Variants in BCL11B observed in about 807,000 individuals in gnomAD.
The protein encoded by BCL11B is BCL11 transcription factor B.
Under a neutral mutation model 49.9 loss-of-function variants are expected in BCL11B, and 8 were observed. That is an observed-to-expected ratio of 0.16 (90% CI 0.09 to 0.29). The LOEUF (loss-of-function observed/expected upper bound fraction) is 0.29, where lower values mean the gene tolerates loss of function less well. Among genes scored for constraint, BCL11B ranks in the 10% least tolerant of loss-of-function variants. BCL11B has a pLI of 1.00. For synonymous variants in BCL11B, 739 were observed against 637.4 expected, an observed-to-expected ratio of 1.16 and a Z score of -2.40; for missense variants, 1,006 against 1,351.0, an observed-to-expected ratio of 0.74 and a Z score of 4.00.
At chr14:99,181,410 C>T (rs530923175) in intron 3 of BCL11B, among the ~76,000 whole-genome samples, 10 of 152,234 alleles carry the variant, frequency 6.6e-5, no homozygotes, top group African/African-American at 1.9e-4. Context: ...AGCAAACTGA[C>T]GCTCAGAGAA....
intron 3 of BCL11B, among the ~76,000 whole-genome samples, chr14:99,210,286 T>C (rs2793321): frequency 0.63 from 95,235 of 151,960 alleles, 30,507 homozygotes; most frequent in Admixed American, 0.71. Context: ...ACAAAAGAGA[T>C]AGAATAAGCA....
intron 3 of BCL11B, among the ~76,000 whole-genome samples, chr14:99,229,043 C>CATGG (rs1181779397): frequency 0.15 from 15,616 of 104,554 alleles, 1,107 homozygotes; most frequent in East Asian, 0.39. Context: ...TGGATGGATG[C>CATGG]ATGGATGGAT....
chr14:99,199,858 C>G (rs1480055423), intron 3 of BCL11B, among the ~76,000 whole-genome samples: 1 of 151,698 alleles, frequency 6.6e-6, no homozygotes, highest in African/African-American at 2.4e-5. Context: ...TAAAGAACTT[C>G]CTCATTATTT....
At chr14:99,263,596 AGATT>A (rs1222072363) in intron 1 of BCL11B, among the ~76,000 whole-genome samples, 3 of 152,224 alleles carry the variant, frequency 2.0e-5, no homozygotes, top group Non-Finnish European at 4.4e-5. Context: ...CCCTGTGTAC[AGATT>A]GTTTGCAGGA....
chr14:99,175,594 A>G lies in BCL11B; in HGVS notation c.1242T>C (p.Pro414=). ...LSTPPLPPMP[P]GGTPPPQPPA... is the part of the protein sequence containing the mutation. ...GCGGCTGCGGGGGCGGCGTGCCGCC[A>G]GGGGGCATGGGCGGCAGCGGCGGCG... The change falls in exon 4 of 4, where the codon CCT becomes CCC. Residue 414 remains proline, a synonymous_variant. Coordinates refer to ENST00000357195, the MANE Select transcript of BCL11B (RefSeq NM_138576.4). 1 of 1,577,374 alleles carries G rather than the reference A, an allele frequency of 6.3e-7. No individual in the cohort carries two copies. Among genetic ancestry groups the G allele is most frequent in the Non-Finnish European group, 8.6e-7 (1 of 1,165,614 alleles).
intron 1 of BCL11B, among the ~76,000 whole-genome samples, chr14:99,266,963 C>T (rs1320798485): frequency 2.0e-5 from 3 of 152,178 alleles, no homozygotes; most frequent in Non-Finnish European, 4.4e-5. Flanking sequence ...GCGCTAGAAA[C>T]TGGTATCTGT....
At position 99,205,812 on chromosome 14, in the gene BCL11B, G is replaced by A. The variant is rs1887518639; in HGVS notation, c.640+25533C>T. Among the ~76,000 whole-genome samples the A allele has an allele frequency of 6.6e-6, 1 of 152,164 alleles. No homozygotes were observed. Among genetic ancestry groups the A allele is most frequent in the Non-Finnish European group, 1.5e-5 (1 of 68,022 alleles). On this transcript the variant is annotated intron_variant, in intron 3 of 3. Coordinates refer to ENST00000357195, the MANE Select transcript of BCL11B (RefSeq NM_138576.4). This position sits in a 1 kb window ranked among gnomAD's most constrained non-coding sequence, Gnocchi z 5.0. Reference sequence around the variant, plus strand: ...CGGGAGCAGTATGGTTCTTGACCACGGTGGACCAAGTCCAGACAGCCATAA... The same window carrying A: ...CGGGAGCAGTATGGTTCTTGACCACAGTGGACCAAGTCCAGACAGCCATAA...
chr14:99,204,297 C>T (rs1251706423), intron 3 of BCL11B, among the ~76,000 whole-genome samples: 2 of 152,124 alleles, frequency 1.3e-5, no homozygotes, highest in Non-Finnish European at 2.9e-5. Flanking sequence ...GGAATGAAGG[C>T]CTCTCTCTCC....
intron 3 of BCL11B, among the ~76,000 whole-genome samples, chr14:99,224,331 G>A (rs1490945591): frequency 6.6e-6 from 1 of 152,180 alleles, no homozygotes; most frequent in Non-Finnish European, 1.5e-5. Flanking sequence ...GCCTCTCTGA[G>A]CCCCAATATC....
intron 3 of BCL11B, among the ~76,000 whole-genome samples, chr14:99,200,396 C>T (rs1261416616): frequency 6.6e-6 from 1 of 152,236 alleles, no homozygotes; most frequent in Non-Finnish European, 1.5e-5. Context: ...AAGCCAATAT[C>T]TATGGCTGGA....
intron 3 of BCL11B, among the ~76,000 whole-genome samples, chr14:99,177,103 C>T (rs1886557748): frequency 6.6e-6 from 1 of 152,054 alleles, no homozygotes. Context: ...GTGACAGCTG[C>T]CCCCACCCCG....
rs375414422 is a variant in BCL11B, at chr14:99,185,856, G to A, written c.641-9661C>T. Among the ~76,000 whole-genome samples, 668 of 152,328 alleles carry A rather than the reference G, an allele frequency of 4.4e-3. 5 individuals carry two copies. Among genetic ancestry groups the A allele is most frequent in the African/African-American group, 0.015 (638 of 41,566 alleles). On this transcript the variant is annotated intron_variant, in intron 3 of 3. Coordinates refer to ENST00000357195, the MANE Select transcript of BCL11B (RefSeq NM_138576.4). ...TATCAGGATGACCCAAGACCTCACC[G>A]CATCTGGCAACCCAGAAATGGTATC... is the stretch of plus-strand genomic sequence containing the variant.
chr14:99,235,425 C>G (rs897550003), intron 2 of BCL11B, among the ~76,000 whole-genome samples: 10 of 152,198 alleles, frequency 6.6e-5, no homozygotes, highest in Non-Finnish European at 1.3e-4. Flanking sequence ...CCCCTCCCCC[C>G]ATGCCAAGAC....
At chr14:99,244,886 C>T (rs1398882891) in intron 2 of BCL11B, among the ~76,000 whole-genome samples, 1 of 152,122 alleles carries the variant, frequency 6.6e-6, no homozygotes, top group Non-Finnish European at 1.5e-5. Context: ...TATAGGTATA[C>T]GCATATTTTT....
Position 99,174,014 on chromosome 14 carries a change from G to T in BCL11B, c.*137C>A. On this transcript the variant is annotated 3_prime_UTR_variant, in exon 4 of 4. Transcript: ENST00000357195. ...ATAGGACTTCGCAGACACAGGTTAG[G>T]TTGGAGTGCCGCCTCCCCTGGGCCC... The T allele has an allele frequency of 1.2e-6, 1 of 815,978 alleles. No homozygotes were observed. The highest frequency in any genetic ancestry group is 1.9e-6 in the Non-Finnish European group (1 of 522,712). 50.5% of individuals were successfully genotyped at this position (815,978 alleles called of 1,614,324 possible).
chr14:99,185,484 A>C (rs1411963899), intron 3 of BCL11B, among the ~76,000 whole-genome samples: 1 of 151,468 alleles, frequency 6.6e-6, no homozygotes, highest in African/African-American at 2.4e-5. Context: ...GTAATGTTCA[A>C]GCCAGACACA....
intron 2 of BCL11B, among the ~76,000 whole-genome samples, chr14:99,237,622 G>A (rs867240721): frequency 1.5e-4 from 23 of 152,148 alleles, no homozygotes; most frequent in African/African-American, 5.1e-4. Context: ...TTGTTGCCAC[G>A]GGTTTTGGCT....
chr14:99,253,497 AC>A (rs1889068173), intron 2 of BCL11B, among the ~76,000 whole-genome samples: 1 of 151,948 alleles, frequency 6.6e-6, no homozygotes, highest in South Asian at 2.1e-4. Flanking sequence ...CAGCACACCT[AC>A]CCCCACCGTG....
At chr14:99,270,367 C>CT (rs767208029) in intron 1 of BCL11B, among the ~76,000 whole-genome samples, 3,811 of 145,426 alleles carry the variant, frequency 0.026, 71 homozygotes, top group Middle Eastern at 0.052. Context: ...AACTGACAAC[C>CT]TTTTTTTTTT....
Sources: gnomAD v4.1 joint callset for allele counts (sites outside exome capture counted in the v4.1 genomes callset) on GRCh38, gnomAD v4.1.1 for gene constraint, Gnocchi (gnomAD v3.1) non-coding constraint, MANE v1.5 for transcripts, NCBI Gene and HGNC (gene_info 2026-07-23, HGNC 2026-07-21) for gene names.